The following MCC variants were observed in gnomAD, a reference collection of about 807,000 sequenced individuals.
MCC encodes MCC regulator of Wnt signaling pathway.
A neutral mutation model predicts 116.2 loss-of-function variants in MCC; 90 were observed. The observed-to-expected ratio is 0.77, with a 90% CI of 0.65 to 0.92. The LOEUF (loss-of-function observed/expected upper bound fraction) is 0.92, where lower values mean the gene tolerates loss of function less well. MCC is among the 40% of genes least tolerant of loss of function. MCC has a pLI of 0.00. For synonymous variants in MCC, 578 were observed against 510.5 expected (o/e 1.13, Z -1.78); for missense variants, 1,516 against 1,312.2 (o/e 1.16, Z -2.40).
chr5:113,298,936 C>T (rs1292224705), intron 3 of MCC, among the ~76,000 whole-genome samples: 2 of 152,086 alleles, frequency 1.3e-5, no homozygotes, highest in East Asian at 3.9e-4. Context: ...GTTGTGATCC[C>T]CACTCCTGAA....
At chr5:113,195,513 T>A (rs1415609223) in intron 3 of MCC, among the ~76,000 whole-genome samples, 1 of 152,160 alleles carries the variant, frequency 6.6e-6, no homozygotes, top group East Asian at 1.9e-4. Flanking sequence ...GCATTTCCAA[T>A]TGCATGTGAA....
intron 1 of MCC, among the ~76,000 whole-genome samples, chr5:113,429,847 A>T (rs1219904555): frequency 6.6e-6 from 1 of 152,236 alleles, no homozygotes; most frequent in Admixed American, 6.5e-5. Context: ...CAAAGAAACC[A>T]ACACAGTCAA....
At chr5:113,076,139 A>G (rs1754438903) in intron 11 of MCC, among the ~76,000 whole-genome samples, 1 of 152,120 alleles carries the variant, frequency 6.6e-6, no homozygotes, top group Non-Finnish European at 1.5e-5. Flanking sequence ...GAACCCACCA[A>G]TACTGGACAC....
At chr5:113,465,465 G>C (rs1297541573) in intron 1 of MCC, among the ~76,000 whole-genome samples, 2 of 152,116 alleles carry the variant, frequency 1.3e-5, no homozygotes, top group African/African-American at 4.8e-5. Context: ...ACTGAGCTCA[G>C]TAGAGAGAGT....
At chr5:113,047,382 G>T (rs1561751049) in intron 16 of MCC, among the ~76,000 whole-genome samples, 1 of 152,236 alleles carries the variant, frequency 6.6e-6, no homozygotes, top group Non-Finnish European at 1.5e-5. Context: ...AAGCAGCCAG[G>T]GTCTTGGGAG....
chr5:113,297,630 G>A (rs1230717464), intron 3 of MCC, among the ~76,000 whole-genome samples: 2 of 151,464 alleles, frequency 1.3e-5, no homozygotes, highest in Non-Finnish European at 2.9e-5. Context: ...AGTCCCAGCT[G>A]TAGTCCCAGC....
At chr5:113,174,244 C>T (rs541401089) in intron 3 of MCC, among the ~76,000 whole-genome samples, 2 of 152,164 alleles carry the variant, frequency 1.3e-5, no homozygotes, top group South Asian at 4.2e-4. Flanking sequence ...ATCAATGTTC[C>T]CAACCTGTCT....
At chr5:113,305,237 T>C (rs917535235) in intron 3 of MCC, among the ~76,000 whole-genome samples, 2 of 152,174 alleles carry the variant, frequency 1.3e-5, no homozygotes, top group Non-Finnish European at 2.9e-5. Context: ...CCTACTTTGA[T>C]AAGACAGCTT....
intron 3 of MCC, among the ~76,000 whole-genome samples, chr5:113,245,294 A>G (rs1189319949): frequency 1.3e-5 from 2 of 151,524 alleles, no homozygotes; most frequent in African/African-American, 4.8e-5. Flanking sequence ...CCATCTCAAA[A>G]AAAAAAAAAA....
In MCC at chr5:113,170,486, C is replaced by T. The variant is rs562187665; in HGVS notation, c.628-19064G>A. Among the ~76,000 whole-genome samples, 4 of 152,176 alleles carry T rather than the reference C, an allele frequency of 2.6e-5. No individual in the cohort carries two copies. In the East Asian group the frequency reaches 7.7e-4, roughly 29 times the overall value. On this transcript the variant is annotated intron_variant, in intron 3 of 18. Coordinates refer to ENST00000408903, the MANE Select transcript of MCC (RefSeq NM_001085377.2). ...GGCGTCATTAAAGTCCCACAGTACC[C>T]AGCCTTTGCTATGCACACCCACCCA...
chr5:113,180,430 A>G (rs1239894323), intron 3 of MCC, among the ~76,000 whole-genome samples: 1 of 152,274 alleles, frequency 6.6e-6, no homozygotes, highest in East Asian at 1.9e-4. Flanking sequence ...TACCCCTTAT[A>G]GGCAGGATTA....
intron 1 of MCC, among the ~76,000 whole-genome samples, chr5:113,424,132 T>TACACACACACACACACACACACAC (rs547192248): frequency 8.9e-6 from 1 of 112,660 alleles, no homozygotes; most frequent in African/African-American, 3.4e-5. Flanking sequence ...AGTCATCCTC[T>TACACACACACACACACACACACAC]ACACACACAC....
At chr5:113,373,086 G>A (rs912047828) in intron 2 of MCC, among the ~76,000 whole-genome samples, 7 of 152,052 alleles carry the variant, frequency 4.6e-5, no homozygotes, top group African/African-American at 1.7e-4. Flanking sequence ...GGCTGAGGCA[G>A]GAGAATGGCG....
chr5:113,366,717 T>C (rs1768697720), intron 2 of MCC, among the ~76,000 whole-genome samples: 1 of 152,238 alleles, frequency 6.6e-6, no homozygotes, highest in African/African-American at 2.4e-5. Flanking sequence ...TTTAGACTCA[T>C]ACATCTTTAC....
chr5:113,453,637 G>A (rs1173340289), intron 1 of MCC, among the ~76,000 whole-genome samples: 1 of 152,204 alleles, frequency 6.6e-6, no homozygotes, highest in Non-Finnish European at 1.5e-5. Context: ...ACTCCCAGCT[G>A]TTTATGTGTC....
intron 1 of MCC, among the ~76,000 whole-genome samples, chr5:113,469,909 T>C (rs1772032289): frequency 6.6e-6 from 1 of 152,230 alleles, no homozygotes; most frequent in African/African-American, 2.4e-5. Flanking sequence ...GCTCTTCTTG[T>C]TGAATTGATC....
intron 3 of MCC, among the ~76,000 whole-genome samples, chr5:113,256,920 T>G (rs1263668937): frequency 6.6e-6 from 1 of 152,200 alleles, no homozygotes; most frequent in East Asian, 1.9e-4. Context: ...AGGGCCAGAT[T>G]AAAACTCTCC....
chr5:113,106,109 G>T (rs989609504), intron 6 of MCC, among the ~76,000 whole-genome samples: 7 of 150,240 alleles, frequency 4.7e-5, no homozygotes, highest in African/African-American at 1.7e-4. Context: ...ACCTTCCCCT[G>T]TTCACTATGC....
intron 14 of MCC, among the ~76,000 whole-genome samples, chr5:113,061,797 G>A (rs1290226990): frequency 6.6e-6 from 1 of 152,170 alleles, no homozygotes; most frequent in African/African-American, 2.4e-5. Flanking sequence ...TGGTTACAGC[G>A]GGGGGAAAGG....
Sources: allele counts gnomAD v4.1 joint callset (sites outside exome capture counted in the v4.1 genomes callset), GRCh38; gene constraint gnomAD v4.1.1; transcripts MANE v1.5; gene names NCBI Gene and HGNC (gene_info 2026-07-23, HGNC 2026-07-21).